Variants in DPP6 observed in about 807,000 individuals in gnomAD.
DPP6 encodes the protein dipeptidyl peptidase like 6, also known as A-type potassium channel modulatory protein DPP6.
In DPP6, 69 loss-of-function variants were observed where a neutral mutation model predicts 122.6. That is an observed-to-expected ratio of 0.56 (90% confidence interval 0.46 to 0.69). The LOEUF (loss-of-function observed/expected upper bound fraction) is 0.69. Ranked by LOEUF, DPP6 falls within the 30% of genes least tolerant of loss-of-function variation. The pLI is 0.00. For synonymous variants in DPP6, 418 were observed against 433.1 expected, an observed-to-expected ratio of 0.97 and a Z score of 0.43; for missense variants, 928 against 1,116.9, an observed-to-expected ratio of 0.83 and a Z score of 2.41.
intron 16 of DPP6, among the ~76,000 whole-genome samples, chr7:154,813,877 CTTTTTTTTTTTT>C (rs35188883): frequency 1.2e-4 from 11 of 94,470 alleles, no homozygotes; most frequent in African/African-American, 4.1e-4. Context: ...AAGCACATTT[CTTTTTTTTTTTT>C]TTTTTTTTGA....
intron 1 of DPP6, among the ~76,000 whole-genome samples, chr7:154,063,116 G>GGA (rs1554449963): frequency 8.5e-6 from 1 of 117,092 alleles, no homozygotes; most frequent in Non-Finnish European, 1.8e-5. Flanking sequence ...CCCCATCGCA[G>GGA]GGGGGGAGGC....
At chr7:153,910,710 C>T (rs918511852) in intron 1 of DPP6, among the ~76,000 whole-genome samples, 3 of 152,186 alleles carry the variant, frequency 2.0e-5, no homozygotes, top group Non-Finnish European at 4.4e-5. Flanking sequence ...CCCCTTTCTC[C>T]CTGGGCTTCC....
At chr7:154,678,811 T>A (rs560243686) in intron 7 of DPP6, among the ~76,000 whole-genome samples, 1 of 152,358 alleles carries the variant, frequency 6.6e-6, no homozygotes, top group South Asian at 2.1e-4. Flanking sequence ...TGACCTTGAC[T>A]GAGAGACTTA....
intron 3 of DPP6, among the ~76,000 whole-genome samples, chr7:154,507,962 C>A (rs1038715179): frequency 2.0e-5 from 3 of 148,468 alleles, no homozygotes; most frequent in Non-Finnish European, 4.5e-5. Context: ...TTATTAATCT[C>A]TCTCCCCCAT....
the DPP6 span, among the ~76,000 whole-genome samples, chr7:153,756,008 C>T: frequency 6.6e-6 from 1 of 152,170 alleles, no homozygotes; most frequent in Non-Finnish European, 1.5e-5. Context: ...ACACACTTGG[C>T]TTCAGAACCA....
At chr7:154,270,214 G>A (rs1232581813) in intron 1 of DPP6, among the ~76,000 whole-genome samples, 2 of 152,146 alleles carry the variant, frequency 1.3e-5, no homozygotes, top group Non-Finnish European at 2.9e-5. Context: ...CGTGGTTATT[G>A]AGTTAAAAAT....
At chr7:154,723,443 T>C (rs373888535) in intron 7 of DPP6, among the ~76,000 whole-genome samples, 59 of 149,654 alleles carry the variant, frequency 3.9e-4, no homozygotes, top group African/African-American at 1.4e-3. Flanking sequence ...AAAAATCCAT[T>C]GTAGGCTTAC....
chr7:154,579,712 A>C (rs1831922810), intron 5 of DPP6, among the ~76,000 whole-genome samples: 1 of 152,200 alleles, frequency 6.6e-6, no homozygotes, highest in Admixed American at 6.5e-5. Flanking sequence ...AGAGAGGAAC[A>C]GAGGCAGATG....
At chr7:154,690,827 G>C (rs1391357826) in intron 7 of DPP6, among the ~76,000 whole-genome samples, 1 of 152,126 alleles carries the variant, frequency 6.6e-6, no homozygotes. Flanking sequence ...CCTCATGGTG[G>C]TAAAAATGCC....
the DPP6 span, among the ~76,000 whole-genome samples, chr7:153,838,730 GCAAA>G: frequency 5.3e-5 from 8 of 152,210 alleles, 1 homozygote; most frequent in South Asian, 1.0e-3. Context: ...ACTGTAACAA[GCAAA>G]CAGTTAATGG....
At chr7:154,384,539 C>T (rs910902857) in intron 1 of DPP6, among the ~76,000 whole-genome samples, 2 of 152,072 alleles carry the variant, frequency 1.3e-5, no homozygotes, top group Non-Finnish European at 2.9e-5. Flanking sequence ...GCTCACAGGC[C>T]GATGAGGGTG....
At chr7:153,926,622 C>G (rs921442003) in intron 1 of DPP6, among the ~76,000 whole-genome samples, 3 of 152,058 alleles carry the variant, frequency 2.0e-5, no homozygotes, top group African/African-American at 7.3e-5. Flanking sequence ...GTTAGCTACA[C>G]ATTTTATCTC....
At chr7:154,765,688 A>G (rs540051016) in intron 8 of DPP6, among the ~76,000 whole-genome samples, 1 of 152,306 alleles carries the variant, frequency 6.6e-6, no homozygotes, top group East Asian at 1.9e-4. Context: ...AGAAGCAGCC[A>G]TTGAACACCG....
intron 1 of DPP6, among the ~76,000 whole-genome samples, chr7:154,008,748 G>A (rs1798027543): frequency 7.0e-6 from 1 of 141,972 alleles, no homozygotes; most frequent in Non-Finnish European, 1.5e-5. Context: ...TGCAAGCTCC[G>A]CCTCCCAGGT....
Position 153,991,889 on chromosome 7 carries a change from A to G in DPP6, c.51+104155A>G, listed in dbSNP as rs1182660719. 2.0e-5 allele frequency among the ~76,000 whole-genome samples: 3 copies of G among 151,848 alleles called. No homozygotes were observed. The East Asian group carries it at 5.8e-4, about 30-fold the overall frequency. On this transcript the variant is annotated intron_variant, in intron 1 of 25. Transcript: ENST00000404039. ...AGTCCCTTTGTGTTGCTATAATAAA[A>G]TACCTGAGTCTGGATAATTTATAAA... is the stretch of plus-strand genomic sequence containing the variant.
chr7:154,580,770 C>A (rs1364629952), intron 5 of DPP6, among the ~76,000 whole-genome samples: 6 of 152,152 alleles, frequency 3.9e-5, no homozygotes, highest in African/African-American at 9.7e-5. Context: ...ATGGGGAGAA[C>A]CTTCCCGGTG....
chr7:154,779,047 T>TTCC (rs1796815985), intron 10 of DPP6, among the ~76,000 whole-genome samples: 6 of 6,052 alleles, frequency 9.9e-4, no homozygotes, highest in South Asian at 0.01. Flanking sequence ...CCACCACAAC[T>TTCC]ACCCCCACCA....
At chr7:153,921,436 A>G (rs1373051051) in intron 1 of DPP6, among the ~76,000 whole-genome samples, 4 of 152,270 alleles carry the variant, frequency 2.6e-5, no homozygotes, top group Non-Finnish European at 4.4e-5. Context: ...TACAAAATAC[A>G]TCCAATTCAG....
chr7:154,213,834 C>T (rs576919170), intron 1 of DPP6, among the ~76,000 whole-genome samples: 72 of 152,278 alleles, frequency 4.7e-4, no homozygotes, highest in African/African-American at 1.6e-3. Flanking sequence ...ACATGACAGC[C>T]TGAACACAGG....
Sources: allele counts gnomAD v4.1 joint callset (sites outside exome capture counted in the v4.1 genomes callset), GRCh38; gene constraint gnomAD v4.1.1; transcripts MANE v1.5; gene names NCBI Gene and HGNC (gene_info 2026-07-23, HGNC 2026-07-21).